The following CR1 variants were observed in gnomAD, a reference collection of about 807,000 sequenced individuals.
CR1 encodes the protein complement receptor type 1.
Under a neutral mutation model 187.3 loss-of-function variants are expected in CR1, and 116 were observed. The ratio of observed to expected loss-of-function variants is 0.62; its 90% confidence interval spans 0.53 to 0.72. The LOEUF (loss-of-function observed/expected upper bound fraction) is 0.72. CR1 is among the 30% of genes least tolerant of loss of function. The probability of loss-of-function intolerance (pLI) is 0.00; values close to 1 mark genes in which losing one functional copy is unlikely to be tolerated. For synonymous variants in CR1, 576 were observed against 747.1 expected (o/e 0.77, Z 3.73); for missense variants, 1,731 against 2,110.7 (o/e 0.82, Z 3.52).
intron 46 of CR1, among the ~76,000 whole-genome samples, chr1:207,633,166 C>G (rs368808505): frequency 6.6e-5 from 10 of 152,202 alleles, no homozygotes; most frequent in African/African-American, 2.2e-4. Context: ...GCTCTGAATT[C>G]AATCAACCAA....
intron 23 of CR1, among the ~76,000 whole-genome samples, chr1:207,565,167 T>C (rs1422120735): frequency 4.0e-5 from 6 of 149,998 alleles, no homozygotes; most frequent in Admixed American, 3.9e-4. Context: ...AAGCACCTGA[T>C]CCCATAATGT....
At chr1:207,598,263 T>C (rs767277964) in intron 35 of CR1, among the ~76,000 whole-genome samples, 8 of 150,788 alleles carry the variant, frequency 5.3e-5, no homozygotes, top group Non-Finnish European at 1.0e-4. Flanking sequence ...TTTAAAACAA[T>C]AAGAAAGAAA....
chr1:207,590,775 A>G (rs1446376418), intron 35 of CR1, among the ~76,000 whole-genome samples: 1 of 152,228 alleles, frequency 6.6e-6, no homozygotes, highest in Non-Finnish European at 1.5e-5. Flanking sequence ...ATATTTACCA[A>G]GCAAATGGAA....
At chr1:207,567,707 T>G (rs1253341831) in intron 24 of CR1, 117 bp from the exon 25 acceptor site, 2 of 1,354,672 alleles carry the variant, frequency 1.5e-6, no homozygotes, top group Non-Finnish European at 2.0e-6. Context: ...AAAGTCCTAA[T>G]GTCTACTGTC....
chr1:207,623,772 C>A (rs1366857303), intron 45 of CR1, among the ~76,000 whole-genome samples: 1 of 152,048 alleles, frequency 6.6e-6, no homozygotes. Flanking sequence ...AGCCCAGATC[C>A]TATCATAGCA....
chr1:207,525,220 T>C (rs1660132349), intron 5 of CR1, among the ~76,000 whole-genome samples: 1 of 151,846 alleles, frequency 6.6e-6, no homozygotes, highest in Admixed American at 6.6e-5. Flanking sequence ...ACACTGGGAA[T>C]TACCATTTGA....
intron 35 of CR1, chr1:207,606,337 T>A (rs1661749464): frequency 6.6e-6 from 1 of 152,204 alleles, no homozygotes; most frequent in Admixed American, 6.5e-5. Context: ...GTGAAACCTT[T>A]ATTGCAGGTG....
chr1:207,618,140 G>C lies in CR1; in HGVS notation c.6959G>C (p.Gly2320Ala). The C allele has an allele frequency of 6.2e-7, 1 of 1,613,898 alleles. No homozygotes were observed. The change falls in exon 42 of 47, where the codon GGG becomes GCG. Residue 2320 changes from glycine (G) to alanine (A), a missense_variant. Physicochemically the swap from Gly to Ala is moderately conservative, Grantham distance 60. Coordinates refer to ENST00000367049, the MANE Select transcript of CR1 (RefSeq NM_000651.6). ...IGGHVSLYLP[G>A]MTISYICDPG... ...GGACACGTATCTCTATATCTTCCTG[G>C]GATGACAATCAGCTACATTTGTGAC... is the stretch of plus-strand genomic sequence containing the variant.
chr1:207,526,612 T>A, intron 5 of CR1, 141 bp from the exon 6 acceptor site: 1 of 1,439,024 alleles, frequency 6.9e-7, no homozygotes, highest in Non-Finnish European at 9.2e-7. Flanking sequence ...CCCTGTGTAT[T>A]TAGTTTATCA....
chr1:207,620,652 T>C (rs1478985484), intron 43 of CR1, among the ~76,000 whole-genome samples: 1 of 152,178 alleles, frequency 6.6e-6, no homozygotes, highest in Non-Finnish European at 1.5e-5. Flanking sequence ...TTCTAATACA[T>C]GGTTCTACAC....
chr1:207,623,115 C>T (rs757258014), intron 45 of CR1, 47 bp downstream of exon 45: 16 of 1,324,476 alleles, frequency 1.2e-5, no homozygotes, highest in Non-Finnish European at 1.4e-5. Context: ...GTACTTACCC[C>T]CTCTTGGAAG....
chr1:207,609,238 A>T (rs1340149772), intron 36 of CR1, 52 bp from the exon 37 acceptor site: 10 of 1,442,322 alleles, frequency 6.9e-6, no homozygotes, highest in Non-Finnish European at 8.4e-6. Flanking sequence ...TCATAGTAAA[A>T]TAATTCATTA....
chr1:207,593,084 C>CAAAAAA (rs57700679), intron 35 of CR1, among the ~76,000 whole-genome samples: 5,070 of 82,880 alleles, frequency 0.061, 681 homozygotes, highest in African/African-American at 0.2. Flanking sequence ...CACAGAATTA[C>CAAAAAA]AAAAAAAAAA....
At chr1:207,631,295 A>G in intron 46 of CR1, among the ~76,000 whole-genome samples, 1 of 152,220 alleles carries the variant, frequency 6.6e-6, no homozygotes, top group Non-Finnish European at 1.5e-5. Context: ...AGGGACCTGA[A>G]AACTACCACC....
intron 35 of CR1, among the ~76,000 whole-genome samples, chr1:207,597,373 C>G (rs1407615216): frequency 1.3e-5 from 2 of 152,092 alleles, no homozygotes; most frequent in Non-Finnish European, 2.9e-5. Context: ...ACTTAGGAAT[C>G]AATTTAATCA....
rs769949589 is a variant in CR1 at position 207,577,857 on chromosome 1, C to T, written c.4590C>T (p.Thr1530=). 190 of 1,613,714 alleles carry T rather than the reference C, an allele frequency of 1.2e-4. No individual in the cohort carries two copies. The highest frequency in any genetic ancestry group is 3.2e-4 in the Admixed American group (19 of 59,998). The change falls in exon 29 of 47, where the codon ACC becomes ACT. Residue 1530 remains threonine, a synonymous_variant. Coordinates refer to ENST00000367049, the MANE Select transcript of CR1 (RefSeq NM_000651.6). The stretch of plus-strand genomic sequence containing the variant: ...TCGCCAATGGAGATTTCATTAGCAC[C>T]AACAGAGAGAATTTTCACTATGGAT... ...PTIANGDFIS[T]NRENFHYGSV... is the part of the protein sequence containing the mutation.
chr1:207,610,997 C>T (rs529784651), intron 37 of CR1, among the ~76,000 whole-genome samples: 1 of 151,984 alleles, frequency 6.6e-6, no homozygotes, highest in East Asian at 1.9e-4. Flanking sequence ...CTATAGTCAC[C>T]CTGTCATGCT....
chr1:207,576,214 G>A (rs1660739468), intron 28 of CR1, among the ~76,000 whole-genome samples: 1 of 152,216 alleles, frequency 6.6e-6, no homozygotes. Context: ...GTATAATCCT[G>A]GGTTTAGTGA....
At chr1:207,511,353 T>C (rs1170412406) in intron 3 of CR1, among the ~76,000 whole-genome samples, 1 of 152,068 alleles carries the variant, frequency 6.6e-6, no homozygotes, top group Non-Finnish European at 1.5e-5. Context: ...CATAAGGTAA[T>C]AAAGAAGAGA....
Sources: gnomAD v4.1 joint callset for allele counts (sites outside exome capture counted in the v4.1 genomes callset) on GRCh38, gnomAD v4.1.1 for gene constraint, MANE v1.5 for transcripts, NCBI Gene and HGNC (gene_info 2026-07-23, HGNC 2026-07-21) for gene names.